The following HTATIP2 variants were observed in gnomAD, a reference collection of about 807,000 sequenced individuals.
HTATIP2 encodes the protein HIV-1 Tat interactive protein 2.
A neutral mutation model predicts 24.7 loss-of-function variants in HTATIP2; 26 were observed. That is an observed-to-expected ratio of 1.05 (90% confidence interval 0.77 to 1.46). HTATIP2 has a LOEUF of 1.46. Among genes scored for constraint, HTATIP2 ranks in the 40% most tolerant of loss-of-function variants. The pLI is 0.00. For synonymous variants in HTATIP2, 99 were observed against 113.2 expected (o/e 0.87, Z 0.79); for missense variants, 284 against 289.6 (o/e 0.98, Z 0.14).
chr11:20,372,670 G>C (rs1435857549), intron 2 of HTATIP2, among the ~76,000 whole-genome samples: 1 of 152,180 alleles, frequency 6.6e-6, no homozygotes, highest in Non-Finnish European at 1.5e-5. Context: ...CTGTCCACAT[G>C]GTTAGGGAAA....
At chr11:20,372,182 C>T (rs537519640) in intron 2 of HTATIP2, among the ~76,000 whole-genome samples, 32 of 152,296 alleles carry the variant, frequency 2.1e-4, no homozygotes, top group Non-Finnish European at 2.9e-4. Context: ...TTCCTGGGAT[C>T]AAGCGATCTT....
chr11:20,376,345 T>C (rs1236226153), intron 2 of HTATIP2: 12 of 508,698 alleles, frequency 2.4e-5, no homozygotes, highest in Non-Finnish European at 3.8e-5. Context: ...TCAATGTCAT[T>C]GTCCTTGTTT....
At chr11:20,382,901 G>C in intron 4 of HTATIP2, 79 bp from the exon 5 acceptor site, 1 of 1,015,368 alleles carries the variant, frequency 9.8e-7, no homozygotes, top group South Asian at 1.6e-5. Context: ...AGTTTTGTCC[G>C]TAATGCCCAC....
At chr11:20,368,789 A>C (rs957899690) in intron 2 of HTATIP2, among the ~76,000 whole-genome samples, 8 of 152,366 alleles carry the variant, frequency 5.3e-5, no homozygotes, top group Admixed American at 2.6e-4. Context: ...CAAAATGGGT[A>C]ATGCAATTTT....
chr11:20,364,746 A>G (rs374068291), intron 1 of HTATIP2, among the ~76,000 whole-genome samples: 1 of 152,212 alleles, frequency 6.6e-6, no homozygotes, highest in African/African-American at 2.4e-5. Flanking sequence ...TCAGGGTCAT[A>G]CAAGCTGTAT....
chr11:20,382,922 G>A (rs1240031397), intron 4 of HTATIP2, 58 bp from the exon 5 acceptor site: 6 of 1,326,216 alleles, frequency 4.5e-6, no homozygotes, highest in Admixed American at 4.4e-5. Context: ...TGTGGTCTCA[G>A]TGCAATTTAC....
At chr11:20,379,553 T>G (rs1394993950) in intron 3 of HTATIP2, among the ~76,000 whole-genome samples, 1 of 152,164 alleles carries the variant, frequency 6.6e-6, no homozygotes, top group African/African-American at 2.4e-5. Flanking sequence ...TTCTACTCAA[T>G]GAAGTTTCAA....
Position 20,363,813 on chromosome 11 carries a change from T to G in HTATIP2, c.-425T>G. ...GACCAGGGAAGGTGGGATGCTCTGA[T>G]GGCCGGGCCTGCGGCGCTGAGCGCG... On this transcript the variant is annotated 5_prime_UTR_variant, in exon 1 of 5. It removes an upstream start codon present in the reference 5' UTR. Coordinates refer to ENST00000451739, the MANE Select transcript of HTATIP2 (RefSeq NM_001098522.2). 8.0e-7 allele frequency: 1 copy of G among 1,245,258 alleles called. No individual in the cohort carries two copies. The highest frequency in any genetic ancestry group is 1.0e-6 in the Non-Finnish European group (1 of 989,758). 77.1% of individuals were successfully genotyped at this position (1,245,258 alleles called of 1,614,324 possible).
rs1008449127 is a variant in HTATIP2, at chr11:20,367,157, A to T, written c.196-17A>T. 3 of 1,613,590 alleles carry T rather than the reference A, an allele frequency of 1.9e-6. No individual in the cohort carries two copies. The highest frequency in any genetic ancestry group is 2.7e-5 in the African/African-American group (2 of 74,938). The stretch of plus-strand genomic sequence containing the variant: ...TTTAAATAACATGAAACTACATACA[A>T]CTGTGTCCTTGCCTAGAATCAAGAA... On this transcript the variant is annotated splice_polypyrimidine_tract_variant and intron_variant, in intron 1 of 4. Coordinates refer to ENST00000451739, the MANE Select transcript of HTATIP2 (RefSeq NM_001098522.2).
intron 1 of HTATIP2, among the ~76,000 whole-genome samples, chr11:20,366,890 C>T (rs2064714132): frequency 6.6e-6 from 1 of 152,204 alleles, no homozygotes; most frequent in Non-Finnish European, 1.5e-5. Flanking sequence ...TGGTTAGCTA[C>T]ACACAGGTCT....
intron 2 of HTATIP2, 196 bp downstream of exon 2, chr11:20,367,477 T>A: frequency 6.8e-7 from 1 of 1,462,696 alleles, no homozygotes. Context: ...AAAGTAATCC[T>A]TGAGTTCAGG....
At chr11:20,365,970 CA>C (rs1161230646) in intron 1 of HTATIP2, among the ~76,000 whole-genome samples, 21,972 of 97,014 alleles carry the variant, frequency 0.23, 1,174 homozygotes, top group South Asian at 0.33. Flanking sequence ...GACTCTGTCT[CA>C]AAAAAAAAAA....
intron 2 of HTATIP2, among the ~76,000 whole-genome samples, chr11:20,375,275 T>TAA (rs568074729): frequency 1.4e-5 from 2 of 147,816 alleles, no homozygotes; most frequent in East Asian, 3.9e-4. Flanking sequence ...ATTTTTTAAT[T>TAA]AAAAAAAAAA....
chr11:20,378,990 T>G (rs1014262514), intron 3 of HTATIP2, among the ~76,000 whole-genome samples: 6 of 152,224 alleles, frequency 3.9e-5, no homozygotes, highest in South Asian at 2.1e-4. Context: ...TGAGCCAAGA[T>G]CACATCACTG....
Position 20,376,702 on chromosome 11 carries a change from A to G in HTATIP2, c.426A>G (p.Leu142=), listed in dbSNP as rs1305187498. Residue 142 remains leucine, a synonymous_variant, in exon 3 of 5, where the codon TTA becomes TTG. Transcript: ENST00000451739. ...SKGADKSSNF[L]YLQVKGEVEA... Reference sequence around the variant, plus strand: ...GAGCTGATAAATCAAGCAATTTTTTATATCTACAAGTTAAGGTTTGTGCAA... The same window carrying G: ...GAGCTGATAAATCAAGCAATTTTTTGTATCTACAAGTTAAGGTTTGTGCAA... The G allele has an allele frequency of 3.1e-6, 5 of 1,610,422 alleles. No homozygotes were observed. The South Asian group carries it at 4.4e-5, about 14-fold the overall frequency.
intron 2 of HTATIP2, among the ~76,000 whole-genome samples, chr11:20,368,947 C>CTAGT (rs2064742193): frequency 6.6e-6 from 1 of 152,074 alleles, no homozygotes. Flanking sequence ...CAAGAATAGA[C>CTAGT]TAATGAGCCT....
At chr11:20,374,786 T>A (rs1191679935) in intron 2 of HTATIP2, among the ~76,000 whole-genome samples, 1 of 152,232 alleles carries the variant, frequency 6.6e-6, no homozygotes, top group Non-Finnish European at 1.5e-5. Flanking sequence ...CTGATTTTAA[T>A]AATGTGTTTG....
At position 20,363,940 on chromosome 11, in the gene HTATIP2, TGGGCCAGGTCTCC is replaced by T; in HGVS notation, c.-297_-285del. On this transcript the variant is annotated 5_prime_UTR_variant, in exon 1 of 5. The change abolishes the stop of an existing upstream ORF in the 5' untranslated region. Coordinates refer to ENST00000451739, the MANE Select transcript of HTATIP2 (RefSeq NM_001098522.2). ...AACCCCTCCGCGTATGGGACCGAGC[TGGGCCAGGTCTCC>T]TGGCCGGGCCGGGGATACCGTGGGG... 8.0e-7 allele frequency: 1 copy of T among 1,243,842 alleles called. No individual in the cohort carries two copies. Among genetic ancestry groups the T allele is most frequent in the East Asian group, 3.1e-5 (1 of 31,752 alleles). The allele number at this position is 1,243,842 out of a possible 1,614,324, so 77.1% of individuals were successfully genotyped here.
chr11:20,363,782 C>G lies in HTATIP2; in HGVS notation c.-456C>G, dbSNP rs1194400331. The G allele has an allele frequency of 8.1e-6, 10 of 1,240,872 alleles. No homozygotes were observed. In the East Asian group the frequency reaches 1.9e-4, roughly 24 times the overall value. 76.9% of individuals were successfully genotyped at this position (1,240,872 alleles called of 1,614,324 possible). On this transcript the variant is annotated 5_prime_UTR_variant, in exon 1 of 5. Coordinates refer to ENST00000451739, the MANE Select transcript of HTATIP2 (RefSeq NM_001098522.2). The stretch of plus-strand genomic sequence containing the variant: ...CTGTCTCCGTCGCCTCCAACCCCCC[C>G]GGTCCGACCAGGGAAGGTGGGATGC...
Sources: allele counts gnomAD v4.1 joint callset (sites outside exome capture counted in the v4.1 genomes callset), GRCh38; gene constraint gnomAD v4.1.1; transcripts MANE v1.5; gene names NCBI Gene and HGNC (gene_info 2026-07-23, HGNC 2026-07-21).